SEMA3A: variants seen among roughly 807,000 people sequenced by gnomAD.
SEMA3A encodes semaphorin 3A.
In SEMA3A, 29 loss-of-function variants were observed where a neutral mutation model predicts 97.9. That is an observed-to-expected ratio of 0.30 (90% CI 0.22 to 0.40). SEMA3A has a LOEUF of 0.40. Ranked by LOEUF, SEMA3A falls within the 10% of genes least tolerant of loss-of-function variation. SEMA3A has a pLI of 1.00. For synonymous variants in SEMA3A, 321 were observed against 323.7 expected, an observed-to-expected ratio of 0.99 and a Z score of 0.09; for missense variants, 763 against 951.3, an observed-to-expected ratio of 0.80 and a Z score of 2.60.
intron 3 of SEMA3A, among the ~76,000 whole-genome samples, chr7:84,214,861 G>C (rs1259418339): frequency 1.3e-5 from 2 of 151,624 alleles, no homozygotes; most frequent in African/African-American, 2.4e-5. Flanking sequence ...ACCACACCCA[G>C]CTAATTTTTT....
chr7:84,246,887 T>C lies in SEMA3A; in HGVS notation c.-82-52219A>G, dbSNP rs373484572. On this transcript the variant is annotated intron_variant, in intron 3 of 3. Transcript: ENST00000424555. ...CAGAGCTATTTATAGTAGAAAATGA[T>C]TGAAATAAAAGCAAGAGCTTAACAA... 4.6e-5 allele frequency among the ~76,000 whole-genome samples: 7 copies of C among 152,054 alleles called. No individual in the cohort carries two copies. The East Asian group carries it at 1.3e-3, about 29-fold the overall frequency.
chr7:84,329,644 T>C (rs1422765156), intron 2 of SEMA3A, among the ~76,000 whole-genome samples: 1 of 152,034 alleles, frequency 6.6e-6, no homozygotes, highest in Non-Finnish European at 1.5e-5. Flanking sequence ...ACTATTATAA[T>C]ATCCAGGTGA....
chr7:84,090,337 T>C (rs1794523699), intron 4 of SEMA3A, among the ~76,000 whole-genome samples: 2 of 152,176 alleles, frequency 1.3e-5, no homozygotes, highest in African/African-American at 4.8e-5. Context: ...TAATGACTGC[T>C]AGATACACTC....
At chr7:83,975,391 AATG>A (rs1226155161) in intron 15 of SEMA3A, among the ~76,000 whole-genome samples, 3 of 152,166 alleles carry the variant, frequency 2.0e-5, no homozygotes, top group African/African-American at 7.2e-5. Context: ...ATTAATTCAT[AATG>A]ATGTTTCCTA....
At chr7:84,470,568 C>G (rs1049746042) in intron 1 of SEMA3A, among the ~76,000 whole-genome samples, 1 of 151,954 alleles carries the variant, frequency 6.6e-6, no homozygotes, top group African/African-American at 2.4e-5. Context: ...TAACTTGAAG[C>G]GTAATGAATG....
At chr7:84,022,627 CT>C (rs1791370877) in intron 6 of SEMA3A, among the ~76,000 whole-genome samples, 1 of 152,142 alleles carries the variant, frequency 6.6e-6, no homozygotes. Context: ...AGATTTCTTG[CT>C]TTGTGAAGCA....
intron 6 of SEMA3A, among the ~76,000 whole-genome samples, chr7:84,014,859 A>G (rs550146198): frequency 9.1e-4 from 139 of 152,248 alleles, no homozygotes; most frequent in Middle Eastern, 3.4e-3. Context: ...TCATTCCACT[A>G]GATACACAGG....
intron 1 of SEMA3A, among the ~76,000 whole-genome samples, chr7:84,155,931 TTC>T (rs1438582041): frequency 6.6e-6 from 1 of 152,160 alleles, no homozygotes; most frequent in East Asian, 1.9e-4. Flanking sequence ...TACTGTGTCT[TTC>T]TCTGACTCTG....
At chr7:84,410,801 A>G (rs1158939548) in intron 1 of SEMA3A, among the ~76,000 whole-genome samples, 1 of 152,158 alleles carries the variant, frequency 6.6e-6, no homozygotes, top group East Asian at 1.9e-4. Context: ...GTACCTCTAG[A>G]GCATTCCAAA....
At chr7:84,279,363 C>T (rs1294346181) in intron 3 of SEMA3A, among the ~76,000 whole-genome samples, 1 of 151,998 alleles carries the variant, frequency 6.6e-6, no homozygotes, top group Non-Finnish European at 1.5e-5. Flanking sequence ...TACTTTCCTA[C>T]CCAAAATGCA....
chr7:84,083,438 T>TTTG (rs1794229197), intron 4 of SEMA3A, among the ~76,000 whole-genome samples: 1 of 151,366 alleles, frequency 6.6e-6, no homozygotes, highest in Non-Finnish European at 1.5e-5. Flanking sequence ...ATCATTTTTT[T>TTTG]TGTGTGTGTG....
rs1350749749 is a variant in SEMA3A at position 84,190,528 on chromosome 7, G to A, written c.112+3947C>T. 5.3e-5 allele frequency among the ~76,000 whole-genome samples: 8 copies of A among 151,326 alleles called. No homozygotes were observed. In the East Asian group the frequency reaches 1.5e-3, roughly 29 times the overall value. On this transcript the variant is annotated intron_variant, in intron 1 of 16. Coordinates refer to ENST00000265362, the MANE Select transcript of SEMA3A (RefSeq NM_006080.3). ...TGCATGTGTGTATGTATGTGTGTGA[G>A]TGTGTGGGTATGTCTTCCCCCCACA...
chr7:84,105,730 A>G (rs955597247), intron 4 of SEMA3A, among the ~76,000 whole-genome samples: 3 of 152,114 alleles, frequency 2.0e-5, no homozygotes, highest in Non-Finnish European at 4.4e-5. Context: ...GTAAATTTGA[A>G]GGGGAAATAC....
chr7:84,349,418 T>A (rs1449247900), intron 2 of SEMA3A, among the ~76,000 whole-genome samples: 3 of 152,164 alleles, frequency 2.0e-5, no homozygotes, highest in African/African-American at 7.2e-5. Flanking sequence ...CTCATGGAGA[T>A]TAAATTCTAG....
intron 1 of SEMA3A, among the ~76,000 whole-genome samples, chr7:84,459,212 A>T (rs1378248778): frequency 6.6e-6 from 1 of 152,238 alleles, no homozygotes; most frequent in Non-Finnish European, 1.5e-5. Context: ...GTAAGATGAT[A>T]AATGAGTTGC....
At chr7:84,379,259 T>C (rs549850319) in intron 1 of SEMA3A, among the ~76,000 whole-genome samples, 8 of 152,268 alleles carry the variant, frequency 5.3e-5, no homozygotes, top group African/African-American at 1.9e-4. Context: ...ATTCTAAGTT[T>C]TAATGAAACG....
chr7:84,443,328 T>C (rs1022115658), intron 1 of SEMA3A, among the ~76,000 whole-genome samples: 41 of 152,308 alleles, frequency 2.7e-4, no homozygotes, highest in African/African-American at 9.4e-4. Flanking sequence ...ATTAAAAATA[T>C]ACACTTTATT....
chr7:84,029,957 T>C (rs902253665), intron 6 of SEMA3A, among the ~76,000 whole-genome samples: 3 of 152,132 alleles, frequency 2.0e-5, no homozygotes, highest in South Asian at 2.1e-4. Flanking sequence ...AAGATGATCG[T>C]CTTTTTACAT....
chr7:84,453,827 A>T (rs1200887891), intron 1 of SEMA3A, among the ~76,000 whole-genome samples: 1 of 152,152 alleles, frequency 6.6e-6, no homozygotes, highest in Non-Finnish European at 1.5e-5. Flanking sequence ...TTCAAATATC[A>T]CTTCAATAAA....
Sources: gnomAD v4.1 joint callset for allele counts (sites outside exome capture counted in the v4.1 genomes callset) on GRCh38, gnomAD v4.1.1 for gene constraint, MANE v1.5 for transcripts, NCBI Gene and HGNC (gene_info 2026-07-23, HGNC 2026-07-21) for gene names.